The following RBFOX1 variants were observed in gnomAD, a reference collection of about 807,000 sequenced individuals.
RBFOX1 encodes RNA binding protein fox-1 homolog 1.
Under a neutral mutation model 57.7 loss-of-function variants are expected in RBFOX1, and 8 were observed. The ratio of observed to expected loss-of-function variants is 0.14; its 90% CI spans 0.08 to 0.25. RBFOX1 has a LOEUF of 0.25. Among genes scored for constraint, RBFOX1 ranks in the 10% least tolerant of loss-of-function variants. The pLI, the probability that RBFOX1 is intolerant of heterozygous loss-of-function variation, is 1.00. For synonymous variants in RBFOX1, 326 were observed against 222.4 expected, an observed-to-expected ratio of 1.47 and a Z score of -4.15; for missense variants, 611 against 548.5, an observed-to-expected ratio of 1.11 and a Z score of -1.14.
chr16:6,168,806 T>G (rs2096936814), intron 1 of RBFOX1, among the ~76,000 whole-genome samples: 1 of 151,800 alleles, frequency 6.6e-6, no homozygotes, highest in East Asian at 1.9e-4. Context: ...CACTGGTTCT[T>G]TCACTTTTTT....
intron 1 of RBFOX1, among the ~76,000 whole-genome samples, chr16:6,193,409 T>TATATATA (rs2097159082): frequency 1.4e-5 from 1 of 72,622 alleles, no homozygotes; most frequent in African/African-American, 3.5e-5. Context: ...TATATATATA[T>TATATATA]ATATATATAT....
At chr16:6,913,790 C>T (rs1405080870) in intron 3 of RBFOX1, among the ~76,000 whole-genome samples, 1 of 152,162 alleles carries the variant, frequency 6.6e-6, no homozygotes, top group Non-Finnish European at 1.5e-5. Context: ...GAGTCTGAAA[C>T]ACACAGTGAC....
chr16:6,119,815 G>A (rs535342604), intron 1 of RBFOX1, among the ~76,000 whole-genome samples: 4 of 152,088 alleles, frequency 2.6e-5, no homozygotes, highest in Admixed American at 1.3e-4. Context: ...AACCTTTTTA[G>A]AGTGCACATT....
intron 3 of RBFOX1, among the ~76,000 whole-genome samples, chr16:6,760,303 C>T (rs1166955144): frequency 6.6e-6 from 1 of 152,088 alleles, no homozygotes; most frequent in Non-Finnish European, 1.5e-5. Context: ...GCATTGGCAC[C>T]TATGTTTCTG....
intron 2 of RBFOX1, among the ~76,000 whole-genome samples, chr16:6,524,852 G>A (rs1213797197): frequency 6.6e-6 from 1 of 152,056 alleles, no homozygotes; most frequent in Non-Finnish European, 1.5e-5. Flanking sequence ...GAGTCTATGT[G>A]TCTCCAAATC....
At chr16:7,086,190 A>G (rs986694053) in intron 4 of RBFOX1, among the ~76,000 whole-genome samples, 6 of 152,064 alleles carry the variant, frequency 3.9e-5, no homozygotes, top group Non-Finnish European at 8.8e-5. Context: ...CAATGATTCC[A>G]CAGTTTACCT....
chr16:7,592,402 G>A (rs2094489097), intron 7 of RBFOX1, among the ~76,000 whole-genome samples: 1 of 152,130 alleles, frequency 6.6e-6, no homozygotes, highest in Admixed American at 6.5e-5. Context: ...TTTGCCTTGG[G>A]TTCAGACATG....
intron 3 of RBFOX1, among the ~76,000 whole-genome samples, chr16:5,827,924 TCCAC>T (rs1373296086): frequency 3.5e-5 from 4 of 113,552 alleles, no homozygotes; most frequent in Admixed American, 8.0e-5. Context: ...CATCCACCCA[TCCAC>T]CCACCCATCC....
intron 3 of RBFOX1, among the ~76,000 whole-genome samples, chr16:5,829,852 G>T (rs1289098845): frequency 6.6e-6 from 1 of 152,094 alleles, no homozygotes; most frequent in African/African-American, 2.4e-5. Flanking sequence ...CAGTCATTCA[G>T]AAGGGAAACA....
Position 5,552,563 on chromosome 16 carries a change from C to T in RBFOX1, c.259-46339C>T, listed in dbSNP as rs543316775. 6.6e-5 allele frequency among the ~76,000 whole-genome samples: 10 copies of T among 152,266 alleles called. No individual in the cohort carries two copies. In the South Asian group the frequency reaches 2.1e-3, roughly 32 times the overall value. On this transcript the variant is annotated intron_variant, in intron 2 of 2. Transcript: ENST00000585867. Reference sequence around the variant, plus strand: ...TGGTTAGAAGCCTGGCTTTTCTCTCCACCCACAGGAATTTCAAACTGTCAG... The same window carrying T: ...TGGTTAGAAGCCTGGCTTTTCTCTCTACCCACAGGAATTTCAAACTGTCAG...
chr16:7,701,862 T>C (rs1313442897), intron 14 of RBFOX1, among the ~76,000 whole-genome samples: 1 of 152,244 alleles, frequency 6.6e-6, no homozygotes, highest in African/African-American at 2.4e-5. Context: ...CATTGCTTTC[T>C]GAATTTCCCA....
At chr16:7,617,836 C>CA (rs2058704715) in intron 10 of RBFOX1, among the ~76,000 whole-genome samples, 1 of 152,066 alleles carries the variant, frequency 6.6e-6, no homozygotes, top group Non-Finnish European at 1.5e-5. Flanking sequence ...AAAAGAATAA[C>CA]AAGGCTCTCT....
chr16:5,496,227 T>G (rs2042997132), intron 2 of RBFOX1, among the ~76,000 whole-genome samples: 1 of 152,184 alleles, frequency 6.6e-6, no homozygotes, highest in Non-Finnish European at 1.5e-5. Flanking sequence ...TTTTCTTGAG[T>G]GCATACTATT....
chr16:6,635,649 C>A lies in RBFOX1; in HGVS notation c.-63-18954C>A, dbSNP rs181149085. Among the ~76,000 whole-genome samples, 6 of 152,242 alleles carry A rather than the reference C, an allele frequency of 3.9e-5. No homozygotes were observed. The South Asian group carries it at 6.2e-4, about 16-fold the overall frequency. ...TCTAGGAAGGAAGGTGGCATAGGCA[C>A]AGAAGTAATTTCAGTAAATCCAATG... On this transcript the variant is annotated intron_variant, in intron 2 of 15. Transcript: ENST00000550418.
At chr16:6,020,863 C>T (rs1430087821) in intron 1 of RBFOX1, among the ~76,000 whole-genome samples, 3 of 152,184 alleles carry the variant, frequency 2.0e-5, no homozygotes, top group Non-Finnish European at 4.4e-5. Context: ...TCACGCGGAG[C>T]CCGGAAGCTG....
At chr16:6,939,593 C>G (rs1289054328) in intron 3 of RBFOX1, among the ~76,000 whole-genome samples, 1 of 151,018 alleles carries the variant, frequency 6.6e-6, no homozygotes, top group Non-Finnish European at 1.5e-5. Flanking sequence ...CTCACTGCAA[C>G]CTCTCCCTCC....
At chr16:7,130,367 G>C (rs1456333125) in intron 4 of RBFOX1, among the ~76,000 whole-genome samples, 1 of 152,122 alleles carries the variant, frequency 6.6e-6, no homozygotes, top group East Asian at 1.9e-4. Context: ...CCAGCTGAAT[G>C]GGTTAAGTGT....
At chr16:5,622,007 T>A (rs940333190) in intron 3 of RBFOX1, among the ~76,000 whole-genome samples, 1 of 152,168 alleles carries the variant, frequency 6.6e-6, no homozygotes, top group Admixed American at 6.5e-5. Context: ...GTGTCAAAAG[T>A]AAACATGGCT....
chr16:6,795,223 G>T (rs1475015598), intron 3 of RBFOX1, among the ~76,000 whole-genome samples: 3 of 152,108 alleles, frequency 2.0e-5, no homozygotes, highest in Admixed American at 6.5e-5. Context: ...TTACCCACTT[G>T]TGTCCACAAA....
Sources: allele counts gnomAD v4.1 joint callset (sites outside exome capture counted in the v4.1 genomes callset), GRCh38; gene constraint gnomAD v4.1.1; transcripts MANE v1.5; gene names NCBI Gene and HGNC (gene_info 2026-07-23, HGNC 2026-07-21).